The following CHSY3 variants were observed in gnomAD, a reference collection of about 807,000 sequenced individuals.
CHSY3 encodes N-acetylgalactosaminyl-proteoglycan 3-beta-glucuronosyltransferase 3.
A neutral mutation model predicts 67.2 loss-of-function variants in CHSY3; 35 were observed. The observed-to-expected ratio is 0.52, with a 90% CI of 0.40 to 0.69. The LOEUF is 0.69. CHSY3 is among the 30% of genes least tolerant of loss of function. The probability of loss-of-function intolerance (pLI) is 0.00; values close to 1 mark genes in which losing one functional copy is unlikely to be tolerated. For missense variants in CHSY3, 1,069 were observed against 1,138.5 expected (o/e 0.94, Z 0.88); for synonymous variants, 474 against 434.7 (o/e 1.09, Z -1.12).
chr5:130,124,256 C>T (rs1768180981), intron 2 of CHSY3, among the ~76,000 whole-genome samples: 1 of 152,062 alleles, frequency 6.6e-6, no homozygotes, highest in Non-Finnish European at 1.5e-5. Flanking sequence ...TCTCTAAGCC[C>T]ACCTTGTCCT....
intron 2 of CHSY3, among the ~76,000 whole-genome samples, chr5:130,036,802 G>A (rs991833919): frequency 1.3e-5 from 2 of 152,022 alleles, no homozygotes; most frequent in Non-Finnish European, 1.5e-5. Context: ...GCTGTGGGTG[G>A]GTGTTTGTGT....
At chr5:130,164,798 A>T (rs1265166890) in intron 2 of CHSY3, among the ~76,000 whole-genome samples, 1 of 152,168 alleles carries the variant, frequency 6.6e-6, no homozygotes, top group African/African-American at 2.4e-5. Flanking sequence ...ACAAATGTAA[A>T]ATTATAATTT....
chr5:130,037,198 T>A (rs1356255356), intron 2 of CHSY3, among the ~76,000 whole-genome samples: 1 of 152,078 alleles, frequency 6.6e-6, no homozygotes, highest in Non-Finnish European at 1.5e-5. Context: ...GGAACCCACC[T>A]CTTGACCTAG....
At chr5:130,037,895 T>C (rs572192622) in intron 2 of CHSY3, among the ~76,000 whole-genome samples, 21 of 152,162 alleles carry the variant, frequency 1.4e-4, no homozygotes, top group African/African-American at 4.6e-4. Context: ...AGTCTAAAAA[T>C]CATTAGTACT....
At chr5:129,978,895 A>AT (rs1341224746) in intron 2 of CHSY3, among the ~76,000 whole-genome samples, 1 of 152,100 alleles carries the variant, frequency 6.6e-6, no homozygotes, top group Non-Finnish European at 1.5e-5. Context: ...TTATACTGTC[A>AT]TTAGAAAAAT....
intron 2 of CHSY3, among the ~76,000 whole-genome samples, chr5:130,038,366 C>T (rs981123983): frequency 6.6e-6 from 1 of 151,684 alleles, no homozygotes; most frequent in Admixed American, 6.6e-5. Flanking sequence ...TTATTAAGCT[C>T]GAAAATAGAC....
intron 2 of CHSY3, among the ~76,000 whole-genome samples, chr5:130,173,761 C>T (rs1471655805): frequency 6.6e-6 from 1 of 151,848 alleles, no homozygotes; most frequent in African/African-American, 2.4e-5. Context: ...TCATTCTTTC[C>T]ATAATTATAG....
chr5:130,116,370 A>G (rs1240431444), intron 2 of CHSY3, among the ~76,000 whole-genome samples: 1 of 152,226 alleles, frequency 6.6e-6, no homozygotes, highest in Non-Finnish European at 1.5e-5. Context: ...GCTTTTAAAT[A>G]TGTTATCAAA....
intron 2 of CHSY3, among the ~76,000 whole-genome samples, chr5:130,010,122 C>G (rs1017741376): frequency 6.6e-6 from 1 of 152,130 alleles, no homozygotes; most frequent in African/African-American, 2.4e-5. Context: ...AAACTTGACA[C>G]TTGACCAAAT....
intron 2 of CHSY3, among the ~76,000 whole-genome samples, chr5:130,176,929 G>A (rs984714378): frequency 4.6e-5 from 7 of 152,006 alleles, no homozygotes; most frequent in African/African-American, 1.5e-4. Flanking sequence ...ACCATGGCAC[G>A]TGTATACCTA....
At chr5:130,075,862 T>C (rs566298713) in intron 2 of CHSY3, among the ~76,000 whole-genome samples, 3 of 152,172 alleles carry the variant, frequency 2.0e-5, no homozygotes, top group Non-Finnish European at 4.4e-5. Context: ...TCAAATTCAA[T>C]GATGTACCAG....
chr5:130,137,128 AT>A (rs1195595471), intron 2 of CHSY3, among the ~76,000 whole-genome samples: 1 of 152,228 alleles, frequency 6.6e-6, no homozygotes, highest in Non-Finnish European at 1.5e-5. Flanking sequence ...GTCTTCTACT[AT>A]TTAAAAATGA....
intron 2 of CHSY3, among the ~76,000 whole-genome samples, chr5:129,985,440 T>C (rs1177088947): frequency 6.6e-6 from 1 of 152,178 alleles, no homozygotes; most frequent in Non-Finnish European, 1.5e-5. Context: ...TGTGGTATAG[T>C]TTGAAGTCAA....
chr5:129,944,928 T>C (rs915874013), intron 2 of CHSY3, among the ~76,000 whole-genome samples: 1 of 152,208 alleles, frequency 6.6e-6, no homozygotes, highest in African/African-American at 2.4e-5. Context: ...GAGTTTTTTG[T>C]TTAAAAAAGG....
intron 2 of CHSY3, among the ~76,000 whole-genome samples, chr5:129,961,825 A>G (rs933814094): frequency 6.6e-6 from 1 of 151,990 alleles, no homozygotes; most frequent in African/African-American, 2.4e-5. Flanking sequence ...AACTTTTTTA[A>G]AAAAACTTTC....
intron 1 of CHSY3, 65 bp downstream of exon 1, chr5:129,905,696 C>T: frequency 4.5e-6 from 7 of 1,570,364 alleles, no homozygotes; most frequent in Non-Finnish European, 5.2e-6. Context: ...GTAACCGGTC[C>T]TAGCCCCTGC....
intron 2 of CHSY3, among the ~76,000 whole-genome samples, chr5:130,170,757 A>G (rs1769874787): frequency 6.6e-6 from 1 of 151,222 alleles, no homozygotes; most frequent in Non-Finnish European, 1.5e-5. Context: ...CCATTGTTTC[A>G]TGTGTTTGTT....
chr5:130,175,539 G>A (rs1243634213), intron 2 of CHSY3, among the ~76,000 whole-genome samples: 1 of 152,154 alleles, frequency 6.6e-6, no homozygotes, highest in African/African-American at 2.4e-5. Context: ...AACAGAGCCT[G>A]TATAGCCAAG....
chr5:130,013,461 G>A (rs1200876193), intron 2 of CHSY3, among the ~76,000 whole-genome samples: 1 of 152,172 alleles, frequency 6.6e-6, no homozygotes, highest in Non-Finnish European at 1.5e-5. Flanking sequence ...GGATATCCAG[G>A]CATTTCCATA....
Sources: allele counts gnomAD v4.1 joint callset (sites outside exome capture counted in the v4.1 genomes callset), GRCh38; gene constraint gnomAD v4.1.1; transcripts MANE v1.5; gene names NCBI Gene and HGNC (gene_info 2026-07-23, HGNC 2026-07-21).